Variants in ATP8B4 observed in about 807,000 individuals in gnomAD.
ATP8B4 encodes the protein ATPase phospholipid transporting 8B4 (putative).
A neutral mutation model predicts 145.6 loss-of-function variants in ATP8B4; 133 were observed. The ratio of observed to expected loss-of-function variants is 0.91; its 90% CI spans 0.79 to 1.05. The LOEUF (loss-of-function observed/expected upper bound fraction) is 1.05. Among genes scored for constraint, ATP8B4 ranks in the 50% least tolerant of loss-of-function variants. The pLI is 0.00. For missense variants in ATP8B4, 1,458 were observed against 1,425.2 expected (o/e 1.02, Z -0.37); for synonymous variants, 507 against 492.9 (o/e 1.03, Z -0.38).
At chr15:49,955,585 C>A (rs2043489410) in intron 14 of ATP8B4, among the ~76,000 whole-genome samples, 1 of 152,128 alleles carries the variant, frequency 6.6e-6, no homozygotes, top group African/African-American at 2.4e-5. Context: ...ATGTTCATTG[C>A]AGCATTATCA....
intron 2 of ATP8B4, among the ~76,000 whole-genome samples, chr15:50,090,236 G>A: frequency 6.6e-6 from 1 of 152,128 alleles, no homozygotes; most frequent in East Asian, 1.9e-4. Flanking sequence ...GGGAGGGAGA[G>A]CATCGGGAAA....
At chr15:49,909,144 AC>A (rs556927786) in intron 20 of ATP8B4, among the ~76,000 whole-genome samples, 1 of 151,498 alleles carries the variant, frequency 6.6e-6, no homozygotes, top group African/African-American at 2.4e-5. Flanking sequence ...CGCACTCCAT[AC>A]CCCCCACCCC....
chr15:49,862,411 C>G, intron 26 of ATP8B4, 36 bp from the exon 27 acceptor site: 2 of 1,593,136 alleles, frequency 1.3e-6, no homozygotes, highest in Non-Finnish European at 1.7e-6. Context: ...ACTGTGGTTA[C>G]AAGTAGGACT....
intron 13 of ATP8B4, among the ~76,000 whole-genome samples, chr15:49,969,430 T>G (rs1401554968): frequency 2.6e-5 from 4 of 151,980 alleles, no homozygotes; most frequent in Non-Finnish European, 5.9e-5. Flanking sequence ...CAATAAAAAA[T>G]TATGAAGGGG....
rs754243975 is a variant in ATP8B4 at position 50,010,856 on chromosome 15, G to A, written c.424C>T (p.Gln142Ter). 4 of 1,554,640 alleles carry A rather than the reference G, an allele frequency of 2.6e-6. No homozygotes were observed. Among genetic ancestry groups the A allele is most frequent in the Non-Finnish European group, 1.7e-6 (2 of 1,147,964 alleles). Residue 142 changes from glutamine (Q) to a stop codon, truncating the protein, a stop_gained, in exon 7 of 28, where the codon CAA becomes TAA. Transcript: ENST00000284509. LOFTEE classifies it high-confidence loss of function. ...TATTGAATACTTACAGCAACAAATT[G>A]GTTATTTTCTAATTTAATGATGTCT... The part of the protein sequence containing the change: ...VGDIIKLENN[Q>*]FVAADLLLLS...
intron 2 of ATP8B4, among the ~76,000 whole-genome samples, chr15:50,094,737 CAT>C: frequency 6.8e-6 from 1 of 146,098 alleles, no homozygotes; most frequent in East Asian, 2.0e-4. Flanking sequence ...TACACACACA[CAT>C]ATACATTCCG....
intron 7 of ATP8B4, among the ~76,000 whole-genome samples, chr15:50,006,815 C>T (rs1019610386): frequency 6.6e-6 from 1 of 152,176 alleles, no homozygotes; most frequent in African/African-American, 2.4e-5. Flanking sequence ...GATTTTATTT[C>T]TACCATCAGC....
intron 5 of ATP8B4, 47 bp from the exon 6 acceptor site, chr15:50,038,876 G>A (rs1409062528): frequency 6.5e-7 from 1 of 1,533,576 alleles, no homozygotes; most frequent in Admixed American, 1.7e-5. Flanking sequence ...AAGGTACTTT[G>A]TCAGCCCAAA....
intron 14 of ATP8B4, among the ~76,000 whole-genome samples, chr15:49,953,772 G>A (rs1429288623): frequency 6.6e-6 from 1 of 152,238 alleles, no homozygotes; most frequent in African/African-American, 2.4e-5. Flanking sequence ...GATTCCAGCT[G>A]AGAATGTGCA....
chr15:50,017,749 T>C (rs1350980457), intron 6 of ATP8B4, among the ~76,000 whole-genome samples: 1 of 152,198 alleles, frequency 6.6e-6, no homozygotes. Flanking sequence ...AATGGTGTGA[T>C]GTGGTTTGTT....
intron 12 of ATP8B4, 51 bp from the exon 13 acceptor site, chr15:49,972,841 G>A (rs776629445): frequency 1.9e-6 from 3 of 1,569,150 alleles, no homozygotes; most frequent in Admixed American, 1.8e-5. Flanking sequence ...ATTAATTTCA[G>A]AACATACAAT....
chr15:50,042,617 G>A (rs2051386173), intron 5 of ATP8B4, among the ~76,000 whole-genome samples: 2 of 151,792 alleles, frequency 1.3e-5, no homozygotes, highest in Admixed American at 6.6e-5. Context: ...TCATATTATT[G>A]TTGTTCATGA....
chr15:49,925,292 G>A (rs1270985238), intron 16 of ATP8B4, among the ~76,000 whole-genome samples: 10 of 151,992 alleles, frequency 6.6e-5, no homozygotes, highest in Non-Finnish European at 1.2e-4. Flanking sequence ...TATTTTACAT[G>A]ATTACAGATC....
chr15:50,013,175 T>A (rs4580096), intron 6 of ATP8B4, among the ~76,000 whole-genome samples: 1 of 152,076 alleles, frequency 6.6e-6, no homozygotes, highest in Non-Finnish European at 1.5e-5. Flanking sequence ...ATTTCTAGAC[T>A]TCTAAAATTT....
In ATP8B4 at chr15:49,886,045, C is replaced by T. The variant is rs541908624; in HGVS notation, c.2698-6586G>A. ...CCACTCATCGGTAGTTCCATGATGC[C>T]CCTATACCTCACTGCTTCTTAACTA... On this transcript the variant is annotated intron_variant, in intron 23 of 27. Coordinates refer to ENST00000284509, the MANE Select transcript of ATP8B4 (RefSeq NM_024837.4). 5 of 152,248 alleles carry T rather than the reference C, an allele frequency of 3.3e-5. No homozygotes were observed. The South Asian group carries it at 8.3e-4, about 25-fold the overall frequency. 9.4% of individuals were successfully genotyped at this position (152,248 alleles called of 1,614,324 possible).
At position 50,002,228 on chromosome 15, in the gene ATP8B4, T is replaced by A; in HGVS notation, c.436-5A>T. 1 of 1,605,628 alleles carries A rather than the reference T, an allele frequency of 6.2e-7. No homozygotes were observed. Among genetic ancestry groups the A allele is most frequent in the Non-Finnish European group, 8.5e-7 (1 of 1,173,712 alleles). ...TGATAGGAGAAGTAAATCAGCCTATTTTCAAAAATCATAACAAAAGAATAC... is the reference window on the plus strand; with the variant it reads ...TGATAGGAGAAGTAAATCAGCCTATATTCAAAAATCATAACAAAAGAATAC... On this transcript the variant is annotated splice_region_variant and splice_polypyrimidine_tract_variant and intron_variant, in intron 7 of 27. Transcript: ENST00000284509.
intron 21 of ATP8B4, 94 bp from the exon 22 acceptor site, chr15:49,898,345 ATTTG>A: frequency 7.7e-7 from 1 of 1,295,060 alleles, no homozygotes. Flanking sequence ...AAACCATTTC[ATTTG>A]TTTGCTAAAC....
At chr15:50,002,752 T>C (rs1009927125) in intron 7 of ATP8B4, among the ~76,000 whole-genome samples, 1 of 150,436 alleles carries the variant, frequency 6.6e-6, no homozygotes, top group Admixed American at 6.6e-5. Flanking sequence ...TGGTAGGGAG[T>C]AAGAAAGAGG....
intron 13 of ATP8B4, 71 bp downstream of exon 13, chr15:49,972,511 T>G: frequency 6.8e-7 from 1 of 1,472,222 alleles, no homozygotes; most frequent in Non-Finnish European, 9.2e-7. Context: ...TTTTAAATTT[T>G]TTTTTAATGG....
Sources: allele counts gnomAD v4.1 joint callset (sites outside exome capture counted in the v4.1 genomes callset), GRCh38; gene constraint gnomAD v4.1.1; transcripts MANE v1.5; gene names NCBI Gene and HGNC (gene_info 2026-07-23, HGNC 2026-07-21).